PUS7: variants seen among roughly 807,000 people sequenced by gnomAD.
PUS7 encodes pseudouridylate synthase 7 homolog.
A neutral mutation model predicts 79.8 loss-of-function variants in PUS7; 48 were observed. The observed-to-expected ratio is 0.60, with a 90% CI of 0.48 to 0.76. PUS7 has a LOEUF of 0.76. Among genes scored for constraint, PUS7 ranks in the 30% least tolerant of loss-of-function variants. PUS7 has a pLI of 0.00. For missense variants in PUS7, 729 were observed against 797.6 expected (o/e 0.91, Z 1.04); for synonymous variants, 286 against 272.2 (o/e 1.05, Z -0.50).
chr7:105,494,973 TAAA>T (rs1200372702), intron 6 of PUS7, among the ~76,000 whole-genome samples, 166 bp downstream of exon 6: 1 of 85,876 alleles, frequency 1.2e-5, no homozygotes. Flanking sequence ...TGAGACTGTC[TAAA>T]AAAAAAAAAA....
intron 12 of PUS7, among the ~76,000 whole-genome samples, chr7:105,467,608 G>A (rs1032237040): frequency 4.0e-5 from 6 of 151,810 alleles, no homozygotes; most frequent in Non-Finnish European, 8.8e-5. Flanking sequence ...ACTCTTTAAG[G>A]TTGGCTAACA....
rs1823747840 is a variant in PUS7, at chr7:105,468,475, G to C, written c.1399-12C>G. On this transcript the variant is annotated splice_polypyrimidine_tract_variant and intron_variant, in intron 11 of 15. Transcript: ENST00000469408. ...TTATTTCTGGGTATCTGGAGGGAAG[G>C]AAAAAAATAGGCAAGAAAACATATT... 6.4e-7 allele frequency: 1 copy of C among 1,561,782 alleles called. No individual in the cohort carries two copies. Among genetic ancestry groups the C allele is most frequent in the African/African-American group, 1.4e-5 (1 of 71,666 alleles).
chr7:105,459,363 G>A, intron 14 of PUS7, 104 bp from the exon 15 acceptor site: 2 of 619,590 alleles, frequency 3.2e-6, no homozygotes, highest in Non-Finnish European at 5.3e-6. Context: ...TAAGTTTACT[G>A]TAAATAATTA....
intron 7 of PUS7, among the ~76,000 whole-genome samples, chr7:105,490,303 C>T (rs1824730548): frequency 6.6e-6 from 1 of 152,076 alleles, no homozygotes; most frequent in Non-Finnish European, 1.5e-5. Context: ...ATCCATCACC[C>T]CCAGAAGTTT....
chr7:105,505,843 G>T, intron 4 of PUS7, 112 bp downstream of exon 4: 1 of 877,000 alleles, frequency 1.1e-6, no homozygotes. Context: ...ATCCAATAGA[G>T]CAAAAAGTCA....
intron 5 of PUS7, among the ~76,000 whole-genome samples, chr7:105,497,376 T>C (rs1034068835): frequency 6.6e-6 from 1 of 152,244 alleles, no homozygotes; most frequent in African/African-American, 2.4e-5. Context: ...TTTTTTTTGA[T>C]AGTGAGACAA....
chr7:105,470,933 A>C, intron 10 of PUS7, 85 bp from the exon 11 acceptor site: 1 of 1,374,916 alleles, frequency 7.3e-7, no homozygotes, highest in South Asian at 1.8e-5. Context: ...GAGAACACAA[A>C]ATTAGAAAAT....
chr7:105,500,177 CTTCTTTTTAAAGTGAGAAA>C (rs1825190519), intron 5 of PUS7, among the ~76,000 whole-genome samples: 1 of 152,170 alleles, frequency 6.6e-6, no homozygotes, highest in Admixed American at 6.5e-5. Flanking sequence ...TTCCTTCTTG[CTTCTTTTTAAAGTGAGAAA>C]TTCCTTTCTT....
At chr7:105,476,845 C>G (rs1824132899) in intron 9 of PUS7, among the ~76,000 whole-genome samples, 1 of 152,172 alleles carries the variant, frequency 6.6e-6, no homozygotes, top group Non-Finnish European at 1.5e-5. Context: ...ATTTGTATCT[C>G]CCTAATGACT....
intron 7 of PUS7, among the ~76,000 whole-genome samples, chr7:105,485,405 C>T (rs1824505021): frequency 6.6e-6 from 1 of 152,112 alleles, no homozygotes; most frequent in Admixed American, 6.5e-5. Context: ...GACAGGGTTT[C>T]TCCATGTTGG....
intron 12 of PUS7, among the ~76,000 whole-genome samples, chr7:105,466,803 G>A (rs370679462): frequency 6.6e-6 from 1 of 151,560 alleles, no homozygotes; most frequent in Non-Finnish European, 1.5e-5. Context: ...GAAACACAGC[G>A]GCACCCAGGA....
intron 10 of PUS7, 82 bp from the exon 11 acceptor site, chr7:105,470,930 C>T: frequency 1.4e-6 from 2 of 1,385,130 alleles, no homozygotes; most frequent in Admixed American, 2.7e-5. Flanking sequence ...ACAGAGAACA[C>T]AAAATTAGAA....
intron 1 of PUS7, among the ~76,000 whole-genome samples, chr7:105,510,442 T>G (rs1825658229): frequency 1.3e-5 from 2 of 151,912 alleles, no homozygotes; most frequent in Admixed American, 6.6e-5. Context: ...AGATGAAAAG[T>G]TCTGGATAGT....
In PUS7 at chr7:105,470,697, T is replaced by C. The variant is rs113639774; in HGVS notation, c.1389A>G (p.Ala463=). Residue 463 remains alanine (A), a synonymous_variant, in exon 11 of 16, where the codon GCA becomes GCG. Transcript: ENST00000469408. ...CACAAATTGCACTCACTATGCCAAA[T>C]GCAGAGACTATATTCTTCATTCCAT... is the stretch of plus-strand genomic sequence containing the variant. ...SKYGMKNIVS[A]FGIIPRNNRL... is the part of the protein sequence containing the mutation. 2.3e-3 allele frequency: 3,637 copies of C among 1,594,362 alleles called. 54 individuals carry two copies. The African/African-American group carries it at 0.04, about 18-fold the overall frequency.
Position 105,505,951 on chromosome 7 carries a change from T to G in PUS7, c.585+4A>C. 1 of 1,600,190 alleles carries G rather than the reference T, an allele frequency of 6.2e-7. No homozygotes were observed. Among genetic ancestry groups the G allele is most frequent in the Non-Finnish European group, 8.5e-7 (1 of 1,173,426 alleles). On this transcript the variant is annotated splice_donor_region_variant and intron_variant, in intron 4 of 15. Transcript: ENST00000469408. Reference sequence around the variant, plus strand: ...AATTTTTCATATATTTTTGCATTAGTTACCTCAATGGCAACACTGGTTTCC... The same window carrying G: ...AATTTTTCATATATTTTTGCATTAGGTACCTCAATGGCAACACTGGTTTCC...
rs1039568607 is a variant in PUS7, at chr7:105,522,253, G to C, written c.-234C>G. On this transcript the variant is annotated 5_prime_UTR_variant, in exon 1 of 16. Coordinates refer to ENST00000469408, the MANE Select transcript of PUS7 (RefSeq NM_019042.5). ...CGGGCTCGCACACGTGCGGCGCAGC[G>C]ACGCGCCGCGGCCCGACTGGACCCG... 2.6e-5 allele frequency: 4 copies of C among 151,838 alleles called. No individual in the cohort carries two copies. The highest frequency in any genetic ancestry group is 6.8e-3 in the Middle Eastern group (2 of 292). 9.4% of individuals were successfully genotyped at this position (151,838 alleles called of 1,614,324 possible). A position where few individuals can be genotyped will look rare whatever the true frequency, so the allele number is the denominator to read the frequency against.
chr7:105,481,284 C>T, intron 8 of PUS7, 107 bp from the exon 9 acceptor site: 1 of 833,134 alleles, frequency 1.2e-6, no homozygotes, highest in South Asian at 2.9e-5. Flanking sequence ...GTTCACTCTC[C>T]TGCAGCTTTC....
At chr7:105,475,254 C>T (rs557815915) in intron 9 of PUS7, among the ~76,000 whole-genome samples, 9 of 152,040 alleles carry the variant, frequency 5.9e-5, no homozygotes, top group East Asian at 5.8e-4. Context: ...GGCACGATCT[C>T]GGCTCACTGC....
intron 11 of PUS7, chr7:105,470,184 A>C (rs1823816166): frequency 6.6e-6 from 1 of 152,228 alleles, no homozygotes; most frequent in Admixed American, 6.5e-5. Flanking sequence ...TAAGGGTTAA[A>C]CTTTAACATT....
Sources: gnomAD v4.1 joint callset for allele counts (sites outside exome capture counted in the v4.1 genomes callset) on GRCh38, gnomAD v4.1.1 for gene constraint, MANE v1.5 for transcripts, NCBI Gene and HGNC (gene_info 2026-07-23, HGNC 2026-07-21) for gene names.